KCMF1: variants seen among roughly 807,000 people sequenced by gnomAD.
KCMF1 encodes the protein E3 ubiquitin-protein ligase KCMF1.
KCMF1 carries 3 observed loss-of-function variants against 41.1 expected under a neutral mutation model. The observed-to-expected ratio is 0.07, with a 90% confidence interval of 0.03 to 0.19. The LOEUF is 0.19. Among genes scored for constraint, KCMF1 ranks in the 10% least tolerant of loss-of-function variants. The pLI, the probability that KCMF1 is intolerant of heterozygous loss-of-function variation, is 1.00. For synonymous variants in KCMF1, 142 were observed against 164.5 expected (o/e 0.86, Z 1.04); for missense variants, 286 against 488.9 (o/e 0.58, Z 3.91).
chr2:84,971,764 G>C (rs1409178905), intron 1 of KCMF1, among the ~76,000 whole-genome samples: 1 of 150,720 alleles, frequency 6.6e-6, no homozygotes, highest in Non-Finnish European at 1.5e-5. Flanking sequence ...TTACCGGCGG[G>C]AGCTCGGCCT....
chr2:84,981,463 A>C (rs1361582217), intron 1 of KCMF1, among the ~76,000 whole-genome samples: 2 of 152,090 alleles, frequency 1.3e-5, no homozygotes, highest in Non-Finnish European at 2.9e-5. Context: ...TGCTGGGATT[A>C]CAGGCGTGAG....
At chr2:85,033,212 A>G (rs1675319190) in intron 2 of KCMF1, among the ~76,000 whole-genome samples, 1 of 152,238 alleles carries the variant, frequency 6.6e-6, no homozygotes, top group Admixed American at 6.5e-5. Flanking sequence ...ATGAATATGA[A>G]CAAATCTATC....
At chr2:85,031,439 A>G (rs116088818) in intron 2 of KCMF1, among the ~76,000 whole-genome samples, 1,619 of 152,302 alleles carry the variant, frequency 0.011, 29 homozygotes, top group African/African-American at 0.037. Flanking sequence ...CAAAAGCAAT[A>G]TATGTTCAGT....
chr2:84,997,365 C>T (rs1317125407), intron 1 of KCMF1, among the ~76,000 whole-genome samples: 1 of 152,048 alleles, frequency 6.6e-6, no homozygotes, highest in Non-Finnish European at 1.5e-5. Flanking sequence ...ATAGACATAT[C>T]CTCTGCCTTT....
Position 84,996,430 on chromosome 2 carries a change from A to ATTTTTTTTTTTTT in KCMF1, c.16+24973_16+24985dup, listed in dbSNP as rs869089697. On this transcript the variant is annotated intron_variant, in intron 1 of 6. Transcript: ENST00000409785. ...ATACTTTATACCTAAATAACCTAAG[A>ATTTTTTTTTTTTT]TTTTTTTTTTTTTTTTTTTTTTGAG... Among the ~76,000 whole-genome samples, 57 of 124,052 alleles carry ATTTTTTTTTTTTT rather than the reference A, an allele frequency of 4.6e-4. 2 individuals are homozygous for ATTTTTTTTTTTTT. Among genetic ancestry groups the ATTTTTTTTTTTTT allele is most frequent in the African/African-American group, 1.8e-3 (56 of 30,280 alleles). 81.4% of individuals were successfully genotyped at this position (124,052 alleles called of 152,430 possible).
At chr2:85,029,982 T>C (rs571160056) in intron 2 of KCMF1, among the ~76,000 whole-genome samples, 11 of 152,222 alleles carry the variant, frequency 7.2e-5, no homozygotes, top group African/African-American at 2.6e-4. Context: ...CACGCCTGGC[T>C]TCGTGCTATA....
rs191844466 is a variant in KCMF1, at chr2:85,017,317, C to T, written c.17-10572C>T. ...CTGGGATTACAGGCGTGAGCCACCG[C>T]GCCCGGCCATCTAAGATCCTCTTCT... On this transcript the variant is annotated intron_variant, in intron 1 of 6. Coordinates refer to ENST00000409785, the MANE Select transcript of KCMF1 (RefSeq NM_020122.5). Among the ~76,000 whole-genome samples, 120 of 152,264 alleles carry T rather than the reference C, an allele frequency of 7.9e-4. 1 individual carries two copies. Among genetic ancestry groups the T allele is most frequent in the Admixed American group, 6.5e-5 (1 of 15,290 alleles).
At chr2:84,973,825 CTTTTTTTTTTTT>C (rs1238178193) in intron 1 of KCMF1, among the ~76,000 whole-genome samples, 2 of 110,278 alleles carry the variant, frequency 1.8e-5, no homozygotes, top group Non-Finnish European at 1.9e-5. Context: ...TTATTTCTTT[CTTTTTTTTTTTT>C]TTTTTTTTTT....
At chr2:84,999,513 G>T (rs539945901) in intron 1 of KCMF1, among the ~76,000 whole-genome samples, 1 of 152,148 alleles carries the variant, frequency 6.6e-6, no homozygotes, top group African/African-American at 2.4e-5. Flanking sequence ...AGGTTAATAG[G>T]TGAGTCTTTA....
chr2:85,012,049 C>A (rs75424650), intron 1 of KCMF1, among the ~76,000 whole-genome samples: 1 of 152,194 alleles, frequency 6.6e-6, no homozygotes, highest in Non-Finnish European at 1.5e-5. Context: ...AACCATCGAC[C>A]AACTTTACTT....
chr2:85,027,039 C>T (rs1337645087), intron 1 of KCMF1, among the ~76,000 whole-genome samples: 1 of 152,122 alleles, frequency 6.6e-6, no homozygotes, highest in African/African-American at 2.4e-5. Context: ...GGCTATAAAC[C>T]CATGAGGACT....
chr2:85,016,443 A>C (rs1048447386), intron 1 of KCMF1, among the ~76,000 whole-genome samples: 17 of 151,934 alleles, frequency 1.1e-4, no homozygotes, highest in Non-Finnish European at 2.2e-4. Context: ...CTAAAAAAAA[A>C]CAGACAAACC....
At chr2:85,019,427 G>C (rs1202282131) in intron 1 of KCMF1, among the ~76,000 whole-genome samples, 1 of 152,148 alleles carries the variant, frequency 6.6e-6, no homozygotes, top group Non-Finnish European at 1.5e-5. Context: ...TTTATTTAGA[G>C]ACTTAGGTAG....
At chr2:85,037,089 A>G (rs1675422338) in intron 3 of KCMF1, among the ~76,000 whole-genome samples, 1 of 150,184 alleles carries the variant, frequency 6.7e-6, no homozygotes, top group Non-Finnish European at 1.5e-5. Flanking sequence ...CCCACCACCT[A>G]CAAATGCTAT....
intron 1 of KCMF1, among the ~76,000 whole-genome samples, chr2:85,022,971 T>G (rs1379624984): frequency 1.4e-5 from 2 of 142,412 alleles, no homozygotes; most frequent in Non-Finnish European, 3.0e-5. Context: ...CACTGCAAGC[T>G]CCGCCTCCTG....
intron 1 of KCMF1, among the ~76,000 whole-genome samples, chr2:85,022,547 G>A (rs1043465987): frequency 2.6e-5 from 4 of 152,108 alleles, no homozygotes; most frequent in African/African-American, 9.7e-5. Flanking sequence ...CCCAAAGGTT[G>A]TTGTAAACAA....
In KCMF1 at chr2:85,057,938, C is replaced by T. The variant is rs1675973492; in HGVS notation, c.*4529C>T. The T allele has an allele frequency of 6.6e-6, 1 of 152,208 alleles. No individual in the cohort carries two copies. The allele number at this position is 152,208 out of a possible 1,614,324, so 9.4% of individuals were successfully genotyped here. ...TCCTCAAATCACAAAGGAGAATGCT[C>T]TCAAGTCCTCATGTTAACTTTAGTA... is the stretch of plus-strand genomic sequence containing the variant. On this transcript the variant is annotated 3_prime_UTR_variant, in exon 7 of 7. Transcript: ENST00000409785.
intron 1 of KCMF1, among the ~76,000 whole-genome samples, chr2:85,026,684 C>G (rs1281795574): frequency 6.6e-6 from 1 of 151,776 alleles, no homozygotes; most frequent in East Asian, 1.9e-4. Context: ...GACAGGATCT[C>G]TCTATGTTGC....
At chr2:85,047,273 TA>T (rs967487296) in intron 5 of KCMF1, among the ~76,000 whole-genome samples, 6 of 152,124 alleles carry the variant, frequency 3.9e-5, no homozygotes, top group East Asian at 1.9e-4. Flanking sequence ...TAAGTACACA[TA>T]AAAAAATGTC....
Sources: gnomAD v4.1 joint callset for allele counts (sites outside exome capture counted in the v4.1 genomes callset) on GRCh38, gnomAD v4.1.1 for gene constraint, MANE v1.5 for transcripts, NCBI Gene and HGNC (gene_info 2026-07-23, HGNC 2026-07-21) for gene names.